The following MRPS28 variants were observed in gnomAD, a reference collection of about 807,000 sequenced individuals.
MRPS28 encodes the protein small ribosomal subunit protein bS1m.
MRPS28 carries 7 observed loss-of-function variants against 10.8 expected under a neutral mutation model. The observed-to-expected ratio is 0.65, with a 90% CI of 0.37 to 1.22. The LOEUF is 1.22. Ranked by LOEUF, MRPS28 falls within the 50% of genes most tolerant of loss-of-function variation. The pLI, the probability that MRPS28 is intolerant of heterozygous loss-of-function variation, is 0.02. For missense variants in MRPS28, 265 were observed against 232.9 expected (o/e 1.14, Z -0.90); for synonymous variants, 121 against 93.3 (o/e 1.30, Z -1.71).
intron 2 of MRPS28, among the ~76,000 whole-genome samples, chr8:79,933,350 T>C (rs1806517626): frequency 6.6e-6 from 1 of 152,330 alleles, no homozygotes; most frequent in East Asian, 1.9e-4. Flanking sequence ...CCTCCTTTTA[T>C]GAGGCCACCA....
chr8:79,987,304 A>G (rs2130106260), intron 2 of MRPS28, among the ~76,000 whole-genome samples: 1 of 152,274 alleles, frequency 6.6e-6, no homozygotes, highest in East Asian at 1.9e-4. Context: ...TAAATGTTAG[A>G]CCTAAAACCA....
At chr8:79,960,954 C>G (rs889960978) in intron 2 of MRPS28, among the ~76,000 whole-genome samples, 4 of 152,000 alleles carry the variant, frequency 2.6e-5, no homozygotes, top group Admixed American at 6.6e-5. Flanking sequence ...TTGCTAAGAT[C>G]AACAGCAATG....
intron 1 of MRPS28, among the ~76,000 whole-genome samples, chr8:80,016,899 G>A (rs1809211768): frequency 6.6e-6 from 1 of 152,114 alleles, no homozygotes. Context: ...ATCCAGCAGG[G>A]AGAAAATCAC....
chr8:79,954,508 T>G (rs1012878960), intron 2 of MRPS28, among the ~76,000 whole-genome samples: 7 of 152,210 alleles, frequency 4.6e-5, no homozygotes, highest in Non-Finnish European at 8.8e-5. Flanking sequence ...GGGGCTTTTC[T>G]CTGCCTTCTG....
intron 1 of MRPS28, among the ~76,000 whole-genome samples, chr8:80,015,562 C>T (rs1809172374): frequency 6.6e-6 from 1 of 152,196 alleles, no homozygotes. Context: ...TCCCTCCCCA[C>T]ACACCCTATC....
At chr8:79,920,254 T>A (rs1409459307) in intron 2 of MRPS28, among the ~76,000 whole-genome samples, 3 of 152,190 alleles carry the variant, frequency 2.0e-5, no homozygotes, top group South Asian at 4.1e-4. Context: ...TAAACATACA[T>A]GTGCATGTGT....
intron 2 of MRPS28, among the ~76,000 whole-genome samples, chr8:79,947,413 T>C (rs1806947099): frequency 6.6e-6 from 1 of 152,136 alleles, no homozygotes. Flanking sequence ...ATATGAAATT[T>C]AAAATCAACT....
At chr8:79,984,148 C>G (rs1249660571) in intron 2 of MRPS28, among the ~76,000 whole-genome samples, 1 of 152,096 alleles carries the variant, frequency 6.6e-6, no homozygotes, top group Non-Finnish European at 1.5e-5. Context: ...GAATTTTCAA[C>G]CCAGAAGTTC....
At chr8:79,957,566 A>AAAC (rs1437317537) in intron 2 of MRPS28, among the ~76,000 whole-genome samples, 4 of 151,510 alleles carry the variant, frequency 2.6e-5, no homozygotes, top group Non-Finnish European at 5.9e-5. Flanking sequence ...AAAAAAAAAA[A>AAAC]ACTTAGTGAG....
intron 2 of MRPS28, among the ~76,000 whole-genome samples, chr8:79,932,812 A>C (rs1357343422): frequency 6.6e-6 from 1 of 152,192 alleles, no homozygotes; most frequent in African/African-American, 2.4e-5. Flanking sequence ...CCACTGATAA[A>C]GCTGTCTGTC....
At chr8:79,997,660 A>T (rs901582785) in intron 2 of MRPS28, among the ~76,000 whole-genome samples, 1 of 152,128 alleles carries the variant, frequency 6.6e-6, no homozygotes, top group Non-Finnish European at 1.5e-5. Flanking sequence ...TTTCTAAAAC[A>T]TTAAAGTTAG....
chr8:79,919,905 G>A (rs551266433), intron 2 of MRPS28, among the ~76,000 whole-genome samples: 22 of 151,076 alleles, frequency 1.5e-4, no homozygotes, highest in South Asian at 2.1e-4. Flanking sequence ...CCATTAACTC[G>A]TCATTTACGT....
At chr8:79,974,583 A>C (rs1440639980) in intron 2 of MRPS28, among the ~76,000 whole-genome samples, 1 of 152,040 alleles carries the variant, frequency 6.6e-6, no homozygotes, top group Non-Finnish European at 1.5e-5. Context: ...ACAAAAAAAA[A>C]ACAAATGAAA....
intron 2 of MRPS28, among the ~76,000 whole-genome samples, chr8:79,931,289 T>C (rs1278656738): frequency 6.6e-6 from 1 of 152,154 alleles, no homozygotes; most frequent in African/African-American, 2.4e-5. Context: ...CCTTGCCCAT[T>C]TGGACTTCCT....
At chr8:79,945,556 A>G (rs1442985619) in intron 2 of MRPS28, among the ~76,000 whole-genome samples, 1 of 152,228 alleles carries the variant, frequency 6.6e-6, no homozygotes, top group African/African-American at 2.4e-5. Context: ...AATGTTCTAA[A>G]ACTGGACAGT....
intron 1 of MRPS28, among the ~76,000 whole-genome samples, chr8:80,017,913 T>C (rs1432602939): frequency 6.6e-6 from 1 of 152,094 alleles, no homozygotes; most frequent in African/African-American, 2.4e-5. Context: ...AGGTTTAACA[T>C]TCAAAAATCA....
chr8:79,985,936 A>T, intron 2 of MRPS28, among the ~76,000 whole-genome samples: 1 of 152,184 alleles, frequency 6.6e-6, no homozygotes, highest in Non-Finnish European at 1.5e-5. Context: ...TGAGGCCAGC[A>T]TCATCCTGAT....
At chr8:80,019,658 A>G (rs1466090670) in intron 1 of MRPS28, among the ~76,000 whole-genome samples, 2 of 152,144 alleles carry the variant, frequency 1.3e-5, no homozygotes, top group Non-Finnish European at 2.9e-5. Flanking sequence ...AGAAAAAATA[A>G]AAGTATACAG....
chr8:79,925,219 G>C (rs1250327584), intron 2 of MRPS28, among the ~76,000 whole-genome samples: 1 of 150,362 alleles, frequency 6.7e-6, no homozygotes, highest in East Asian at 1.9e-4. Context: ...TTTGCTACCT[G>C]AGTTATTCCC....
Sources: allele counts gnomAD v4.1 joint callset (sites outside exome capture counted in the v4.1 genomes callset), GRCh38; gene constraint gnomAD v4.1.1; transcripts MANE v1.5; gene names NCBI Gene and HGNC (gene_info 2026-07-23, HGNC 2026-07-21).